The following DCDC1 variants were observed in gnomAD, a reference collection of about 807,000 sequenced individuals.
DCDC1 encodes doublecortin domain-containing protein 1.
In DCDC1, 200 loss-of-function variants were observed where a neutral mutation model predicts 178.3. The ratio of observed to expected loss-of-function variants is 1.12; its 90% CI spans 1.00 to 1.26. The LOEUF (loss-of-function observed/expected upper bound fraction) is 1.26, where lower values mean the gene tolerates loss of function less well. Ranked by LOEUF, DCDC1 falls within the 50% of genes most tolerant of loss-of-function variation. The pLI, the probability that DCDC1 is intolerant of heterozygous loss-of-function variation, is 0.00. For synonymous variants in DCDC1, 690 were observed against 604.8 expected, an observed-to-expected ratio of 1.14 and a Z score of -2.07; for missense variants, 1,983 against 1,749.2, an observed-to-expected ratio of 1.13 and a Z score of -2.38.
At chr11:31,153,818 A>ACACACACACACAC (rs61493499) in intron 9 of DCDC1, among the ~76,000 whole-genome samples, 10 of 143,472 alleles carry the variant, frequency 7.0e-5, no homozygotes, top group South Asian at 2.2e-4. Context: ...ACACACACAC[A>ACACACACACACAC]ATTACCATAA....
chr11:30,985,495 A>T (rs1950595001), intron 20 of DCDC1, among the ~76,000 whole-genome samples: 1 of 152,192 alleles, frequency 6.6e-6, no homozygotes, highest in Non-Finnish European at 1.5e-5. Context: ...TAATTCACAT[A>T]AAGTAAAATG....
intron 9 of DCDC1, among the ~76,000 whole-genome samples, chr11:31,163,140 C>T (rs924476344): frequency 9.9e-5 from 15 of 152,100 alleles, no homozygotes; most frequent in Non-Finnish European, 8.8e-5. Flanking sequence ...CATGGCAACC[C>T]GAGATTTTGG....
chr11:31,151,794 C>T (rs1965195097), intron 9 of DCDC1, among the ~76,000 whole-genome samples: 1 of 152,162 alleles, frequency 6.6e-6, no homozygotes, highest in Admixed American at 6.6e-5. Flanking sequence ...TTAAAAACAT[C>T]TTAAGCAGAC....
At chr11:31,308,540 T>C (rs543158232) in intron 3 of DCDC1, among the ~76,000 whole-genome samples, 16 of 152,272 alleles carry the variant, frequency 1.1e-4, no homozygotes, top group South Asian at 4.1e-4. Flanking sequence ...TGTTCAGGAC[T>C]ATCCTGGTTT....
intron 9 of DCDC1, among the ~76,000 whole-genome samples, chr11:31,165,180 T>C (rs1388446711): frequency 1.3e-5 from 2 of 152,212 alleles, no homozygotes; most frequent in Admixed American, 6.5e-5. Context: ...CCTGTTTACC[T>C]AACCCATTGA....
At chr11:31,013,730 G>T (rs1952310154) in intron 20 of DCDC1, among the ~76,000 whole-genome samples, 1 of 152,134 alleles carries the variant, frequency 6.6e-6, no homozygotes, top group Admixed American at 6.5e-5. Flanking sequence ...TACACACAAT[G>T]AATATACATG....
intron 9 of DCDC1, among the ~76,000 whole-genome samples, chr11:31,147,407 G>C (rs1964561902): frequency 6.6e-6 from 1 of 152,096 alleles, no homozygotes; most frequent in Non-Finnish European, 1.5e-5. Flanking sequence ...ATATTGTCTT[G>C]TTGGACAATT....
intron 11 of DCDC1, among the ~76,000 whole-genome samples, chr11:31,119,880 T>A (rs1269891675): frequency 2.0e-5 from 3 of 152,204 alleles, no homozygotes; most frequent in African/African-American, 7.2e-5. Context: ...GGTAAGAAGA[T>A]GAACAGATTG....
At chr11:31,146,135 C>T (rs1964426625) in intron 9 of DCDC1, among the ~76,000 whole-genome samples, 1 of 149,690 alleles carries the variant, frequency 6.7e-6, no homozygotes, top group African/African-American at 2.5e-5. Flanking sequence ...TGCAGTGGCA[C>T]AATATCGGCT....
intron 21 of DCDC1, among the ~76,000 whole-genome samples, chr11:30,939,277 C>A (rs962892496): frequency 2.6e-5 from 4 of 152,154 alleles, no homozygotes; most frequent in African/African-American, 9.7e-5. Flanking sequence ...AGAGAGCGGG[C>A]CACCTAAATT....
At chr11:31,327,201 T>C (rs976996925) in intron 3 of DCDC1, among the ~76,000 whole-genome samples, 1 of 152,174 alleles carries the variant, frequency 6.6e-6, no homozygotes, top group African/African-American at 2.4e-5. Flanking sequence ...AGAGTTTCGC[T>C]CTTGTTACCC....
At chr11:31,176,445 G>T (rs1006813122) in intron 9 of DCDC1, among the ~76,000 whole-genome samples, 3 of 151,958 alleles carry the variant, frequency 2.0e-5, no homozygotes, top group African/African-American at 4.8e-5. Context: ...AATACCAGTG[G>T]GAAAAGATAT....
intron 20 of DCDC1, among the ~76,000 whole-genome samples, chr11:31,056,786 A>G (rs531016280): frequency 2.1e-4 from 32 of 152,322 alleles, no homozygotes; most frequent in African/African-American, 7.7e-4. Context: ...ATCAGTAAGT[A>G]TATACAAGAT....
intron 7 of DCDC1, among the ~76,000 whole-genome samples, chr11:31,274,538 A>G (rs1945830960): frequency 6.6e-6 from 1 of 151,932 alleles, no homozygotes; most frequent in Admixed American, 6.6e-5. Flanking sequence ...TTCAGAGAAC[A>G]TAGCATATGA....
At chr11:30,886,814 T>C (rs1324960941) in intron 36 of DCDC1, among the ~76,000 whole-genome samples, 3 of 151,654 alleles carry the variant, frequency 2.0e-5, no homozygotes, top group Admixed American at 6.6e-5. Context: ...CTATCTGGAG[T>C]GGGAAAAATG....
chr11:31,252,578 A>G (rs775771483), intron 8 of DCDC1, among the ~76,000 whole-genome samples: 7 of 152,118 alleles, frequency 4.6e-5, no homozygotes, highest in Admixed American at 2.0e-4. Flanking sequence ...ATTGACCTGG[A>G]AAACTGTGTA....
chr11:31,212,440 C>G (rs573376364), intron 9 of DCDC1, among the ~76,000 whole-genome samples: 4 of 151,904 alleles, frequency 2.6e-5, no homozygotes, highest in Non-Finnish European at 5.9e-5. Flanking sequence ...TTTTATATAA[C>G]AGGTAATTTA....
intron 22 of DCDC1, among the ~76,000 whole-genome samples, chr11:30,929,350 G>A (rs188073104): frequency 6.6e-6 from 1 of 152,210 alleles, no homozygotes; most frequent in East Asian, 1.9e-4. Flanking sequence ...CTGTACTGGT[G>A]GAAGGCCCAG....
chr11:31,140,359 G>C (rs1963668970), intron 9 of DCDC1, among the ~76,000 whole-genome samples: 1 of 152,158 alleles, frequency 6.6e-6, no homozygotes, highest in Non-Finnish European at 1.5e-5. Context: ...CCACCATGTA[G>C]GGGAGGAGGA....
Sources: gnomAD v4.1 joint callset for allele counts (sites outside exome capture counted in the v4.1 genomes callset) on GRCh38, gnomAD v4.1.1 for gene constraint, MANE v1.5 for transcripts, NCBI Gene and HGNC (gene_info 2026-07-23, HGNC 2026-07-21) for gene names.